Variants in PTPRM observed in about 807,000 individuals in gnomAD.
PTPRM encodes protein tyrosine phosphatase receptor type M.
Under a neutral mutation model 186.7 loss-of-function variants are expected in PTPRM, and 47 were observed. The ratio of observed to expected loss-of-function variants is 0.25; its 90% CI spans 0.20 to 0.32. PTPRM has a LOEUF of 0.32. Among genes scored for constraint, PTPRM ranks in the 10% least tolerant of loss-of-function variants. The pLI, the probability that PTPRM is intolerant of heterozygous loss-of-function variation, is 1.00. For missense variants in PTPRM, 1,494 were observed against 1,865.0 expected (o/e 0.80, Z 3.66); for synonymous variants, 668 against 674.9 (o/e 0.99, Z 0.16).
intron 2 of PTPRM, among the ~76,000 whole-genome samples, chr18:7,840,035 C>T (rs578068285): frequency 2.8e-5 from 4 of 143,064 alleles, no homozygotes; most frequent in African/African-American, 1.1e-4. Flanking sequence ...ATACTCTCTG[C>T]ACCATGTTGC....
intron 7 of PTPRM, among the ~76,000 whole-genome samples, chr18:8,032,737 A>C (rs577158795): frequency 3.3e-5 from 5 of 152,242 alleles, no homozygotes; most frequent in African/African-American, 1.2e-4. Flanking sequence ...GTAGGATAAA[A>C]ATAGAAAATA....
chr18:8,390,675 TC>T (rs1173462499), intron 31 of PTPRM, among the ~76,000 whole-genome samples: 1 of 152,266 alleles, frequency 6.6e-6, no homozygotes, highest in Non-Finnish European at 1.5e-5. Context: ...ACGCCTATAA[TC>T]CCAGCACTTT....
chr18:8,011,871 C>T (rs114202598), intron 7 of PTPRM, among the ~76,000 whole-genome samples: 1,875 of 152,254 alleles, frequency 0.012, 27 homozygotes, highest in African/African-American at 0.042. Flanking sequence ...AGGAAAAATA[C>T]GAATTTATTA....
chr18:7,898,905 T>G (rs1462914102), intron 3 of PTPRM, among the ~76,000 whole-genome samples: 1 of 152,216 alleles, frequency 6.6e-6, no homozygotes, highest in Admixed American at 6.5e-5. Context: ...ATAGGAAATA[T>G]GGGGTTAGGT....
intron 23 of PTPRM, among the ~76,000 whole-genome samples, chr18:8,358,381 T>C (rs2095576514): frequency 6.6e-6 from 1 of 152,198 alleles, no homozygotes; most frequent in Admixed American, 6.5e-5. Flanking sequence ...GTGCAGACCA[T>C]GGTCTCTCTT....
intron 2 of PTPRM, among the ~76,000 whole-genome samples, chr18:7,794,059 A>C (rs779046573): frequency 5.3e-5 from 8 of 152,138 alleles, no homozygotes; most frequent in Non-Finnish European, 1.2e-4. Flanking sequence ...TCCAGGGGAA[A>C]ATCATCTCCC....
chr18:7,809,303 A>G (rs1310222635), intron 2 of PTPRM, among the ~76,000 whole-genome samples: 2 of 152,042 alleles, frequency 1.3e-5, no homozygotes, highest in Non-Finnish European at 2.9e-5. Flanking sequence ...AAATAACAGC[A>G]CCTAGCTCAT....
rs534333889 is a variant in PTPRM at position 8,249,805 on chromosome 18, GGACA to G, written c.2554+1634_2554+1637del. Among the ~76,000 whole-genome samples, 264 of 152,200 alleles carry G rather than the reference GGACA, an allele frequency of 1.7e-3. 3 individuals carry two copies. Among genetic ancestry groups the G allele is most frequent in the African/African-American group, 6.1e-3 (255 of 41,520 alleles). On this transcript the variant is annotated intron_variant, in intron 17 of 32. Transcript: ENST00000580170. The stretch of plus-strand genomic sequence containing the variant: ...TTTCTTTACTGAAAGGGAATCACTT[GGACA>G]GACAATTCAAGTAGCAAAAATGATG...
intron 7 of PTPRM, among the ~76,000 whole-genome samples, chr18:8,054,763 CCTT>C (rs145074622): frequency 0.03 from 4,563 of 152,088 alleles, 222 homozygotes; most frequent in African/African-American, 0.11. Context: ...GCATCTCAGA[CCTT>C]CTTTCAAAAC....
At chr18:7,626,584 C>T (rs1409791470) in intron 1 of PTPRM, among the ~76,000 whole-genome samples, 1 of 152,166 alleles carries the variant, frequency 6.6e-6, no homozygotes. Context: ...GGTGGCTTCA[C>T]AAAGAGCTAG....
At chr18:8,378,899 T>C (rs2095713207) in intron 27 of PTPRM, among the ~76,000 whole-genome samples, 1 of 152,144 alleles carries the variant, frequency 6.6e-6, no homozygotes, top group East Asian at 1.9e-4. Flanking sequence ...GGTGCCTCAC[T>C]CCACTGGGAC....
intron 1 of PTPRM, among the ~76,000 whole-genome samples, chr18:7,725,616 C>CG (rs2040532375): frequency 6.6e-6 from 1 of 152,036 alleles, no homozygotes; most frequent in African/African-American, 2.4e-5. Flanking sequence ...AGCTGGACAT[C>CG]GGAGACTATG....
chr18:8,214,788 T>G (rs540518972), intron 14 of PTPRM, among the ~76,000 whole-genome samples: 2 of 152,240 alleles, frequency 1.3e-5, no homozygotes, highest in East Asian at 1.9e-4. Flanking sequence ...CTCAGCCTCC[T>G]GAGTAGCGGG....
intron 7 of PTPRM, among the ~76,000 whole-genome samples, chr18:7,975,611 GA>G (rs1400943855): frequency 6.6e-6 from 1 of 152,148 alleles, no homozygotes; most frequent in African/African-American, 2.4e-5. Flanking sequence ...TAACGGAGCT[GA>G]AAATCACCTA....
intron 1 of PTPRM, among the ~76,000 whole-genome samples, chr18:7,737,029 C>G (rs2040785313): frequency 6.6e-6 from 1 of 152,236 alleles, no homozygotes; most frequent in Non-Finnish European, 1.5e-5. Context: ...GTCTCGAACT[C>G]CTGATCTTGG....
intron 11 of PTPRM, among the ~76,000 whole-genome samples, chr18:8,090,902 A>G (rs1265667428): frequency 6.6e-6 from 1 of 152,068 alleles, no homozygotes; most frequent in Admixed American, 6.5e-5. Context: ...GCCAAGACTA[A>G]ATTTTAAAAT....
chr18:7,902,218 T>C (rs2049730760), intron 3 of PTPRM, among the ~76,000 whole-genome samples: 1 of 152,236 alleles, frequency 6.6e-6, no homozygotes, highest in African/African-American at 2.4e-5. Flanking sequence ...ATATTTGTAA[T>C]CAGCTGCTGT....
intron 7 of PTPRM, among the ~76,000 whole-genome samples, chr18:7,956,406 T>C (rs1010454194): frequency 2.0e-5 from 3 of 152,250 alleles, no homozygotes; most frequent in Non-Finnish European, 1.5e-5. Flanking sequence ...TGTATTATAC[T>C]GTTTCCACAA....
chr18:7,804,097 G>A (rs1004796971), intron 2 of PTPRM, among the ~76,000 whole-genome samples: 1 of 152,160 alleles, frequency 6.6e-6, no homozygotes, highest in African/African-American at 2.4e-5. Context: ...ACTCCCTTAG[G>A]TATAGCAGAG....
Sources: allele counts gnomAD v4.1 joint callset (sites outside exome capture counted in the v4.1 genomes callset), GRCh38; gene constraint gnomAD v4.1.1; transcripts MANE v1.5; gene names NCBI Gene and HGNC (gene_info 2026-07-23, HGNC 2026-07-21).